GALNTL6: variants seen among roughly 807,000 people sequenced by gnomAD.
GALNTL6 encodes the protein polypeptide N-acetylgalactosaminyltransferase-like 6.
A neutral mutation model predicts 73.7 loss-of-function variants in GALNTL6; 46 were observed. The observed-to-expected ratio is 0.62, with a 90% CI of 0.49 to 0.80. GALNTL6 has a LOEUF of 0.80. GALNTL6 is among the 30% of genes least tolerant of loss of function. The probability of loss-of-function intolerance (pLI) is 0.00; values close to 1 mark genes in which losing one functional copy is unlikely to be tolerated. For synonymous variants in GALNTL6, 259 were observed against 263.7 expected, an observed-to-expected ratio of 0.98 and a Z score of 0.17; for missense variants, 604 against 755.0, an observed-to-expected ratio of 0.80 and a Z score of 2.34.
chr4:172,188,606 A>G (rs1477985077), intron 2 of GALNTL6, among the ~76,000 whole-genome samples: 1 of 152,200 alleles, frequency 6.6e-6, no homozygotes, highest in Non-Finnish European at 1.5e-5. Flanking sequence ...AATGGTCTGA[A>G]GGCAAATTAC....
chr4:172,243,619 A>G (rs945576833), intron 3 of GALNTL6, among the ~76,000 whole-genome samples: 4 of 152,132 alleles, frequency 2.6e-5, no homozygotes, highest in African/African-American at 7.2e-5. Context: ...TCATGATTAA[A>G]GTCACTAAGC....
chr4:172,641,584 T>A (rs540576087), intron 5 of GALNTL6, among the ~76,000 whole-genome samples: 1 of 152,210 alleles, frequency 6.6e-6, no homozygotes, highest in East Asian at 1.9e-4. Context: ...AGACTTGGTT[T>A]AAATCTGAAC....
intron 2 of GALNTL6, among the ~76,000 whole-genome samples, chr4:172,196,023 T>TAA (rs35159373): frequency 5.2e-4 from 72 of 137,796 alleles, no homozygotes; most frequent in African/African-American, 1.8e-3. Context: ...TTTTTTTTTT[T>TAA]AAATTAATAA....
At chr4:172,554,942 A>G (rs1736091586) in intron 5 of GALNTL6, among the ~76,000 whole-genome samples, 1 of 152,206 alleles carries the variant, frequency 6.6e-6, no homozygotes, top group Non-Finnish European at 1.5e-5. Flanking sequence ...TCAATTTAGT[A>G]GGTAACAGTT....
chr4:171,858,150 G>A (rs1373667360), intron 2 of GALNTL6, among the ~76,000 whole-genome samples: 1 of 152,076 alleles, frequency 6.6e-6, no homozygotes. Context: ...TGTATAAAGT[G>A]TTATTTATGC....
intron 2 of GALNTL6, among the ~76,000 whole-genome samples, chr4:172,078,918 C>A (rs1053723223): frequency 3.9e-5 from 6 of 151,986 alleles, no homozygotes; most frequent in African/African-American, 1.2e-4. Context: ...TGAAAAGATG[C>A]CTTCCTCAAA....
At chr4:172,520,509 C>G (rs1734743784) in intron 5 of GALNTL6, among the ~76,000 whole-genome samples, 1 of 149,854 alleles carries the variant, frequency 6.7e-6, no homozygotes, top group Admixed American at 6.7e-5. Flanking sequence ...TCTTTTTTTA[C>G]TCCCTTGGGT....
chr4:172,866,544 T>C (rs1313166016), intron 7 of GALNTL6, among the ~76,000 whole-genome samples: 1 of 152,194 alleles, frequency 6.6e-6, no homozygotes, highest in African/African-American at 2.4e-5. Context: ...TATGTTTAGA[T>C]GTTGATTATT....
chr4:172,377,763 G>A (rs1046924309), intron 5 of GALNTL6, among the ~76,000 whole-genome samples: 6 of 152,132 alleles, frequency 3.9e-5, no homozygotes, highest in South Asian at 2.1e-4. Context: ...TGCACCCTCC[G>A]CAGACGCTGG....
chr4:172,966,497 C>T (rs1353194645), intron 10 of GALNTL6, among the ~76,000 whole-genome samples: 1 of 151,870 alleles, frequency 6.6e-6, no homozygotes, highest in Non-Finnish European at 1.5e-5. Flanking sequence ...CGAGTTCAAG[C>T]GACTCTCCTG....
intron 3 of GALNTL6, among the ~76,000 whole-genome samples, chr4:172,300,332 A>C (rs952787101): frequency 6.6e-6 from 1 of 152,036 alleles, no homozygotes; most frequent in Non-Finnish European, 1.5e-5. Flanking sequence ...CAAATTTACC[A>C]GTCTGTGTCT....
intron 5 of GALNTL6, among the ~76,000 whole-genome samples, chr4:172,751,364 T>C (rs1468669514): frequency 6.6e-6 from 1 of 152,194 alleles, no homozygotes; most frequent in African/African-American, 2.4e-5. Flanking sequence ...AGGTGGTGGG[T>C]AACCATGGCC....
chr4:172,779,065 T>C (rs1199211860), intron 5 of GALNTL6, among the ~76,000 whole-genome samples: 1 of 152,052 alleles, frequency 6.6e-6, no homozygotes, highest in Non-Finnish European at 1.5e-5. Context: ...TACTGAAATA[T>C]GAGCTCCATA....
chr4:172,872,519 T>G (rs756630389), intron 7 of GALNTL6, among the ~76,000 whole-genome samples: 3 of 152,218 alleles, frequency 2.0e-5, no homozygotes, highest in Non-Finnish European at 4.4e-5. Flanking sequence ...TGCATTACAA[T>G]GTAGTGAGAC....
At chr4:172,544,805 T>C (rs1227651550) in intron 5 of GALNTL6, among the ~76,000 whole-genome samples, 1 of 152,186 alleles carries the variant, frequency 6.6e-6, no homozygotes, top group African/African-American at 2.4e-5. Context: ...GAATTGTATG[T>C]GTGAAGAAAT....
intron 5 of GALNTL6, among the ~76,000 whole-genome samples, chr4:172,545,173 C>T (rs924858929): frequency 8.6e-5 from 13 of 152,038 alleles, no homozygotes; most frequent in Non-Finnish European, 1.9e-4. Context: ...TAATGGACAA[C>T]ACAGACATTA....
chr4:172,719,464 C>A (rs948864407), intron 5 of GALNTL6, among the ~76,000 whole-genome samples: 2 of 151,950 alleles, frequency 1.3e-5, no homozygotes, highest in Non-Finnish European at 1.5e-5. Context: ...ATGGATATAT[C>A]CCTATAGACA....
At chr4:172,787,880 A>G (rs1173122143) in intron 5 of GALNTL6, among the ~76,000 whole-genome samples, 1 of 152,240 alleles carries the variant, frequency 6.6e-6, no homozygotes, top group Admixed American at 6.5e-5. Flanking sequence ...ACAGAAGTAA[A>G]GGTGGAAGCC....
intron 5 of GALNTL6, among the ~76,000 whole-genome samples, chr4:172,713,088 G>T (rs987344860): frequency 5.3e-5 from 8 of 152,078 alleles, no homozygotes; most frequent in African/African-American, 1.9e-4. Flanking sequence ...AAAACTTGTT[G>T]TTATGACATA....
Sources: allele counts gnomAD v4.1 joint callset (sites outside exome capture counted in the v4.1 genomes callset), GRCh38; gene constraint gnomAD v4.1.1; transcripts MANE v1.5; gene names NCBI Gene and HGNC (gene_info 2026-07-23, HGNC 2026-07-21).